Variants in SMYD3 observed in about 807,000 individuals in gnomAD.
The protein encoded by SMYD3 is SET and MYND domain containing 3, also known as histone-lysine N-methyltransferase SMYD3.
Under a neutral mutation model 57.7 loss-of-function variants are expected in SMYD3, and 36 were observed. The ratio of observed to expected loss-of-function variants is 0.62; its 90% confidence interval spans 0.48 to 0.82. SMYD3 has a LOEUF of 0.82. SMYD3 is among the 40% of genes least tolerant of loss of function. The pLI is 0.00. For missense variants in SMYD3, 515 were observed against 538.8 expected (o/e 0.96, Z 0.44); for synonymous variants, 211 against 195.0 (o/e 1.08, Z -0.68).
At chr1:246,375,982 AG>A (rs1302670111) in intron 1 of SMYD3, among the ~76,000 whole-genome samples, 5 of 112,400 alleles carry the variant, frequency 4.4e-5, no homozygotes, top group African/African-American at 1.3e-4. Flanking sequence ...CACCAGCCTC[AG>A]CCTCCCAAAG....
At chr1:246,354,935 G>T in intron 2 of SMYD3, 96 bp downstream of exon 2, 2 of 1,072,592 alleles carry the variant, frequency 1.9e-6, no homozygotes, top group Non-Finnish European at 2.8e-6. Flanking sequence ...ATTAAAGGCT[G>T]TAAAGAAGTA....
intron 5 of SMYD3, among the ~76,000 whole-genome samples, chr1:246,067,908 T>C (rs563938232): frequency 1.3e-5 from 2 of 152,176 alleles, no homozygotes; most frequent in African/African-American, 4.8e-5. Flanking sequence ...GGCCACACTC[T>C]CCGGCACCGA....
At chr1:245,976,981 C>T (rs369049861) in intron 5 of SMYD3, among the ~76,000 whole-genome samples, 551 of 17,458 alleles carry the variant, frequency 0.032, 52 homozygotes, top group East Asian at 0.064. Context: ...GTCTCCGGCC[C>T]AGGGAAAGCC....
intron 5 of SMYD3, among the ~76,000 whole-genome samples, chr1:246,030,983 T>C (rs573160727): frequency 1.3e-5 from 2 of 152,254 alleles, no homozygotes; most frequent in African/African-American, 4.8e-5. Flanking sequence ...CCTGTGCTTG[T>C]AGGGAGAGGA....
At chr1:246,239,515 A>G (rs780805147) in intron 5 of SMYD3, among the ~76,000 whole-genome samples, 7 of 152,146 alleles carry the variant, frequency 4.6e-5, no homozygotes, top group Non-Finnish European at 1.0e-4. Context: ...GTTGATTCCA[A>G]GTCTTTGCTA....
chr1:246,395,102 G>A (rs1020739509), intron 1 of SMYD3, among the ~76,000 whole-genome samples: 3 of 152,178 alleles, frequency 2.0e-5, no homozygotes, highest in Admixed American at 6.5e-5. Context: ...ATATAAGAGA[G>A]GCAATTCGGT....
chr1:246,055,148 C>A lies in SMYD3; in HGVS notation c.532-125211G>T, dbSNP rs538259291. ...CCGAGATGGTGCCACTGCACTCCAG[C>A]CTGGGTGACAGAGCAAGACTCTGTC... On this transcript the variant is annotated intron_variant, in intron 5 of 11. Transcript: ENST00000490107. 3.3e-5 allele frequency among the ~76,000 whole-genome samples: 5 copies of A among 151,598 alleles called. No homozygotes were observed. In the South Asian group the frequency reaches 1.0e-3, roughly 32 times the overall value.
At chr1:245,814,783 A>G (rs2048693494) in intron 10 of SMYD3, among the ~76,000 whole-genome samples, 1 of 151,912 alleles carries the variant, frequency 6.6e-6, no homozygotes, top group Non-Finnish European at 1.5e-5. Context: ...ATCCTCTCAA[A>G]TGACCTTATC....
chr1:246,050,387 T>A (rs2153025), intron 5 of SMYD3, among the ~76,000 whole-genome samples: 79,577 of 152,028 alleles, frequency 0.52, 23,912 homozygotes, highest in East Asian at 0.96. Context: ...CCATAAAAGG[T>A]TGGGCAAAAG....
intron 5 of SMYD3, among the ~76,000 whole-genome samples, chr1:246,295,208 G>C (rs986721411): frequency 1.3e-5 from 2 of 152,068 alleles, no homozygotes; most frequent in East Asian, 1.9e-4. Flanking sequence ...CAGTCCCTAG[G>C]TGGTAACGTT....
At chr1:246,149,170 T>A (rs1201447259) in intron 5 of SMYD3, among the ~76,000 whole-genome samples, 1 of 152,214 alleles carries the variant, frequency 6.6e-6, no homozygotes, top group Non-Finnish European at 1.5e-5. Context: ...GCATTTCAAT[T>A]AAATGATTAA....
chr1:246,245,409 C>CT (rs2063686117), intron 5 of SMYD3, among the ~76,000 whole-genome samples: 1 of 152,018 alleles, frequency 6.6e-6, no homozygotes, highest in South Asian at 2.1e-4. Flanking sequence ...TGCCACTGTA[C>CT]TCTAGCCTGG....
intron 5 of SMYD3, among the ~76,000 whole-genome samples, chr1:246,290,466 A>G (rs767933991): frequency 6.6e-6 from 1 of 152,198 alleles, no homozygotes; most frequent in Non-Finnish European, 1.5e-5. Flanking sequence ...TTCTTCATCA[A>G]TGAAGTGCAC....
intron 8 of SMYD3, among the ~76,000 whole-genome samples, chr1:245,913,411 A>G (rs2055159681): frequency 6.6e-6 from 1 of 152,056 alleles, no homozygotes. Flanking sequence ...TACCTAATGT[A>G]AATGACAAGT....
chr1:245,890,984 CAT>C (rs1193532278), intron 8 of SMYD3, among the ~76,000 whole-genome samples: 2 of 152,246 alleles, frequency 1.3e-5, no homozygotes, highest in South Asian at 2.1e-4. Context: ...ACCAACTTCA[CAT>C]GTTCTCACTA....
chr1:246,175,124 C>T (rs140082743), intron 5 of SMYD3, among the ~76,000 whole-genome samples: 3 of 152,266 alleles, frequency 2.0e-5, no homozygotes, highest in East Asian at 1.9e-4. Context: ...GGAGTAACTG[C>T]GCCTGTGCCC....
intron 5 of SMYD3, among the ~76,000 whole-genome samples, chr1:246,134,961 A>T (rs1419973965): frequency 1.3e-5 from 2 of 151,972 alleles, no homozygotes; most frequent in Admixed American, 1.3e-4. Context: ...CTTAGCATAT[A>T]TGCTGAAGAG....
intron 10 of SMYD3, among the ~76,000 whole-genome samples, chr1:245,811,581 C>T (rs1476294692): frequency 6.6e-6 from 1 of 152,122 alleles, no homozygotes; most frequent in Non-Finnish European, 1.5e-5. Context: ...TCTAATGTGG[C>T]CGTTCTTGTC....
intron 1 of SMYD3, among the ~76,000 whole-genome samples, chr1:246,415,321 T>C (rs1425263848): frequency 1.3e-5 from 2 of 152,204 alleles, no homozygotes; most frequent in Non-Finnish European, 2.9e-5. Context: ...AAGGCAAGTG[T>C]TGTGGGCTCA....
Sources: allele counts gnomAD v4.1 joint callset (sites outside exome capture counted in the v4.1 genomes callset), GRCh38; gene constraint gnomAD v4.1.1; transcripts MANE v1.5; gene names NCBI Gene and HGNC (gene_info 2026-07-23, HGNC 2026-07-21).